Variants in SMIM19 observed in about 807,000 individuals in gnomAD.
SMIM19 encodes small integral membrane protein 19, also known as UPF0697 protein C8orf40.
A neutral mutation model predicts 13.2 loss-of-function variants in SMIM19; 6 were observed. That is an observed-to-expected ratio of 0.45 (90% CI 0.25 to 0.90). The LOEUF (loss-of-function observed/expected upper bound fraction) is 0.90, where lower values mean the gene tolerates loss of function less well. Ranked by LOEUF, SMIM19 falls within the 40% of genes least tolerant of loss-of-function variation. SMIM19 has a pLI of 0.19. For missense variants in SMIM19, 138 were observed against 131.0 expected (o/e 1.05, Z -0.26); for synonymous variants, 46 against 43.1 (o/e 1.07, Z -0.27).
chr8:42,544,177 C>T (rs1253420250), intron 1 of SMIM19, among the ~76,000 whole-genome samples: 1 of 150,830 alleles, frequency 6.6e-6, no homozygotes, highest in African/African-American at 2.4e-5. Context: ...TTTGGGAGGC[C>T]GAGGTGGGCG....
chr8:42,546,316 T>C (rs1197674776), intron 1 of SMIM19, 153 bp from the exon 2 acceptor site: 8 of 822,230 alleles, frequency 9.7e-6, no homozygotes, highest in Non-Finnish European at 1.0e-5. Flanking sequence ...AATGTGCCAC[T>C]TAGAAATGTA....
At chr8:42,547,022 G>A (rs1813516029) in intron 2 of SMIM19, among the ~76,000 whole-genome samples, 1 of 151,894 alleles carries the variant, frequency 6.6e-6, no homozygotes, top group Non-Finnish European at 1.5e-5. Context: ...GAAAGACACT[G>A]TCTACTCTGG....
intron 3 of SMIM19, among the ~76,000 whole-genome samples, chr8:42,550,801 G>C (rs1586330966): frequency 6.6e-6 from 1 of 152,264 alleles, no homozygotes; most frequent in Non-Finnish European, 1.5e-5. Flanking sequence ...TATAAGCAGT[G>C]AGCACATGTG....
rs1050846917 is a variant in SMIM19, at chr8:42,554,963, G to T, written c.*2355G>T. 22 of 152,194 alleles carry T rather than the reference G, an allele frequency of 1.4e-4. No individual in the cohort carries two copies. The highest frequency in any genetic ancestry group is 5.3e-4 in the African/African-American group (22 of 41,438). The allele number at this position is 152,194 out of a possible 1,614,324, so 9.4% of individuals were successfully genotyped here. A position where few individuals can be genotyped will look rare whatever the true frequency, so the allele number is the denominator to read the frequency against. On this transcript the variant is annotated 3_prime_UTR_variant, in exon 4 of 4. Transcript: ENST00000417410. ...CAGCCAGCTGCGTGAAGGGGAGAAG[G>T]CCGCCTCCAAGGACACAGATGTTTG...
intron 1 of SMIM19, 185 bp from the exon 2 acceptor site, chr8:42,546,280 TAGAG>T (rs1813478856): frequency 9.2e-6 from 5 of 545,890 alleles, no homozygotes; most frequent in South Asian, 5.3e-5. Context: ...AACCGTCAGA[TAGAG>T]AGGGCCAACT....
chr8:42,544,375 C>T (rs965954939), intron 1 of SMIM19, among the ~76,000 whole-genome samples: 2 of 148,510 alleles, frequency 1.3e-5, no homozygotes, highest in Non-Finnish European at 3.0e-5. Flanking sequence ...CGTGCCACTG[C>T]ATTCCAGCCT....
rs1813527714 is a variant in SMIM19 at position 42,547,426 on chromosome 8, A to G, written c.134+820A>G. 4.6e-5 allele frequency among the ~76,000 whole-genome samples: 7 copies of G among 152,020 alleles called. 1 individual carries two copies. Among genetic ancestry groups the G allele is most frequent in the Admixed American group, 4.6e-4 (7 of 15,266 alleles). On this transcript the variant is annotated intron_variant, in intron 2 of 3. Coordinates refer to ENST00000417410, the MANE Select transcript of SMIM19 (RefSeq NM_001135674.2). ...AAGTACCACTCTCAGCCCCCAGGCC[A>G]GCTGCACTAAACTCTCAATTCTGCA...
intron 1 of SMIM19, among the ~76,000 whole-genome samples, chr8:42,545,203 A>C (rs1426042603): frequency 6.6e-6 from 1 of 152,212 alleles, no homozygotes; most frequent in Non-Finnish European, 1.5e-5. Flanking sequence ...TTAAAGAAAA[A>C]TTCAGTTAAC....
intron 1 of SMIM19, among the ~76,000 whole-genome samples, chr8:42,542,888 G>C (rs1359453627): frequency 6.6e-6 from 1 of 151,516 alleles, no homozygotes; most frequent in Non-Finnish European, 1.5e-5. Flanking sequence ...GCTGAGGCAG[G>C]AGAATCCCTC....
chr8:42,542,825 T>A (rs973357419), intron 1 of SMIM19, among the ~76,000 whole-genome samples: 88 of 136,336 alleles, frequency 6.5e-4, no homozygotes, highest in African/African-American at 2.2e-3. Context: ...AAAAAAAAAA[T>A]AAGAATTACC....
chr8:42,550,980 G>A (rs895474598), intron 3 of SMIM19, among the ~76,000 whole-genome samples: 2 of 152,162 alleles, frequency 1.3e-5, no homozygotes, highest in Non-Finnish European at 2.9e-5. Flanking sequence ...GATCTACCCT[G>A]AGTAGCATAA....
intron 3 of SMIM19, among the ~76,000 whole-genome samples, chr8:42,549,928 T>G (rs1813613236): frequency 6.6e-6 from 1 of 152,004 alleles, no homozygotes; most frequent in Non-Finnish European, 1.5e-5. Flanking sequence ...AAACCCCATC[T>G]TTACTAAAAG....
rs186806153 is a variant in SMIM19, at chr8:42,550,417, G to A, written c.259+1637G>A. On this transcript the variant is annotated intron_variant, in intron 3 of 3. Coordinates refer to ENST00000417410, the MANE Select transcript of SMIM19 (RefSeq NM_001135674.2). ...TTAGAAGCTCCACAGCAGCTGCACC[G>A]TGCTAACTTCAGGGTGCCTGCATGG... Among the ~76,000 whole-genome samples, 28 of 152,262 alleles carry A rather than the reference G, an allele frequency of 1.8e-4. No individual in the cohort carries two copies. In the East Asian group the frequency reaches 3.5e-3, roughly 19 times the overall value.
chr8:42,542,598 G>A (rs2131482352), intron 1 of SMIM19: 1 of 392,856 alleles, frequency 2.5e-6, no homozygotes, highest in Non-Finnish European at 3.5e-6. Context: ...TCACCTAGAC[G>A]TGACATCAGG....
intron 1 of SMIM19, chr8:42,542,601 A>G (rs919583450): frequency 1.9e-4 from 70 of 365,242 alleles, no homozygotes; most frequent in Non-Finnish European, 2.2e-4. Context: ...CCTAGACGTG[A>G]CATCAGGAAC....
intron 3 of SMIM19, among the ~76,000 whole-genome samples, chr8:42,551,311 CA>C (rs35606576): frequency 0.56 from 66,685 of 118,316 alleles, 16,241 homozygotes; most frequent in Middle Eastern, 0.64. Context: ...GAGCGAGACT[CA>C]AAAAAAAAAA....
intron 1 of SMIM19, among the ~76,000 whole-genome samples, chr8:42,546,169 A>G (rs1195066013): frequency 6.6e-6 from 1 of 152,244 alleles, no homozygotes; most frequent in Non-Finnish European, 1.5e-5. Flanking sequence ...TACCTAATAC[A>G]ATGTAAATGC....
intron 1 of SMIM19, among the ~76,000 whole-genome samples, chr8:42,543,204 G>A (rs1416181534): frequency 1.3e-5 from 2 of 152,198 alleles, no homozygotes; most frequent in Non-Finnish European, 2.9e-5. Flanking sequence ...GTGGTATGCA[G>A]TAAGCACGCA....
Position 42,552,611 on chromosome 8 carries a change from C to T in SMIM19, c.*3C>T, listed in dbSNP as rs1813711428. 6.2e-7 allele frequency: 1 copy of T among 1,613,662 alleles called. No homozygotes were observed. Among genetic ancestry groups the T allele is most frequent in the African/African-American group, 1.3e-5 (1 of 74,898 alleles). ...GTGTGCAACTCTCATTGGAATGAAA[C>T]CTCAGAAAAAGAGCAACAGAAGTAA... On this transcript the variant is annotated 3_prime_UTR_variant, in exon 4 of 4. Coordinates refer to ENST00000417410, the MANE Select transcript of SMIM19 (RefSeq NM_001135674.2).
Sources: gnomAD v4.1 joint callset for allele counts (sites outside exome capture counted in the v4.1 genomes callset) on GRCh38, gnomAD v4.1.1 for gene constraint, MANE v1.5 for transcripts, NCBI Gene and HGNC (gene_info 2026-07-23, HGNC 2026-07-21) for gene names.